Variants in ATP23 observed in about 807,000 individuals in gnomAD.
ATP23 encodes ATP23 metallopeptidase and ATP synthase assembly factor homolog, also known as mitochondrial inner membrane protease ATP23 homolog.
In ATP23, 24 loss-of-function variants were observed where a neutral mutation model predicts 28.5. That is an observed-to-expected ratio of 0.84 (90% CI 0.61 to 1.18). The LOEUF is 1.18. Ranked by LOEUF, ATP23 falls within the 50% of genes most tolerant of loss-of-function variation. The probability of loss-of-function intolerance (pLI) is 0.00; values close to 1 mark genes in which losing one functional copy is unlikely to be tolerated. For missense variants in ATP23, 274 were observed against 306.4 expected (o/e 0.89, Z 0.79); for synonymous variants, 99 against 108.6 (o/e 0.91, Z 0.55).
In ATP23 at chr12:57,958,929, T is replaced by G. The variant is rs1288582618; in HGVS notation, c.*2039T>G. Among the ~76,000 whole-genome samples, 2 of 152,138 alleles carry G rather than the reference T, an allele frequency of 1.3e-5. No homozygotes were observed. The highest frequency in any genetic ancestry group is 2.4e-5 in the African/African-American group (1 of 41,424). On this transcript the variant is annotated 3_prime_UTR_variant, in exon 6 of 6. Coordinates refer to ENST00000300145, the MANE Select transcript of ATP23 (RefSeq NM_033276.4). ...AAAAAGAATTCAGGAGGTTAGTTATTAAGCTAATCAGGGAGGCACCAGAGA... is the reference window on the plus strand; with the variant it reads ...AAAAAGAATTCAGGAGGTTAGTTATGAAGCTAATCAGGGAGGCACCAGAGA...
At chr12:57,954,998 T>C (rs1357514227) in intron 5 of ATP23, among the ~76,000 whole-genome samples, 2 of 152,148 alleles carry the variant, frequency 1.3e-5, no homozygotes, top group Non-Finnish European at 2.9e-5. Flanking sequence ...GCATGTTTTC[T>C]GTGCCCTTGA....
intron 3 of ATP23, among the ~76,000 whole-genome samples, chr12:57,951,451 C>T (rs752328441): frequency 2.6e-5 from 4 of 151,982 alleles, no homozygotes; most frequent in East Asian, 1.9e-4. Context: ...CTGTGGAGTC[C>T]GAGACAGACT....
Position 57,944,059 on chromosome 12 carries a change from G to GTTT in ATP23, c.188-1557_188-1555dup, listed in dbSNP as rs10672119. 9.7e-3 allele frequency among the ~76,000 whole-genome samples: 1,333 copies of GTTT among 137,394 alleles called. 19 individuals carry two copies. Among genetic ancestry groups the GTTT allele is most frequent in the African/African-American group, 0.034 (1,247 of 36,850 alleles). 90.1% of individuals were successfully genotyped at this position (137,394 alleles called of 152,430 possible). A position where few individuals can be genotyped will look rare whatever the true frequency, so the allele number is the denominator to read the frequency against. ...GTCCTTTTTGAAGTACTAAACCATG[G>GTTT]TTTTTTTTTTTTTTAAGTACAAGGA... On this transcript the variant is annotated intron_variant, in intron 1 of 5. Transcript: ENST00000300145.
chr12:57,950,979 A>G (rs991066572), intron 3 of ATP23, among the ~76,000 whole-genome samples: 4 of 152,374 alleles, frequency 2.6e-5, no homozygotes, highest in East Asian at 1.9e-4. Flanking sequence ...AGTTGAATCA[A>G]TGGATGTTGA....
chr12:57,943,863 C>A (rs1351281128), intron 1 of ATP23, among the ~76,000 whole-genome samples: 1 of 152,048 alleles, frequency 6.6e-6, no homozygotes, highest in Non-Finnish European at 1.5e-5. Context: ...GGACCTTGAT[C>A]TTCCAAGGGC....
At chr12:57,943,679 TA>T (rs34125659) in intron 1 of ATP23, among the ~76,000 whole-genome samples, 18,580 of 141,752 alleles carry the variant, frequency 0.13, 1,784 homozygotes, top group African/African-American at 0.29. Context: ...AGACCCTGTC[TA>T]AAAAAAAAAA....
chr12:57,957,375 G>A lies in ATP23; in HGVS notation c.*485G>A, dbSNP rs1473970178. The A allele has an allele frequency of 6.6e-6, 1 of 152,638 alleles. No homozygotes were observed. Among genetic ancestry groups the A allele is most frequent in the Non-Finnish European group, 1.5e-5 (1 of 68,412 alleles). The allele number at this position is 152,638 out of a possible 1,614,324, so 9.5% of individuals were successfully genotyped here. A position where few individuals can be genotyped will look rare whatever the true frequency, so the allele number is the denominator to read the frequency against. On this transcript the variant is annotated 3_prime_UTR_variant, in exon 6 of 6. Transcript: ENST00000300145. ...CCTATTCTTCTTTTATCATATATGT[G>A]GGACCCATATGGCCTAATTTTCTGG...
At chr12:57,946,048 T>G (rs1361699572) in intron 2 of ATP23, among the ~76,000 whole-genome samples, 1 of 151,996 alleles carries the variant, frequency 6.6e-6, no homozygotes, top group Admixed American at 6.6e-5. Context: ...GTATTTTTAG[T>G]AGAAATGGGG....
At chr12:57,945,865 T>C (rs941353368) in intron 2 of ATP23, among the ~76,000 whole-genome samples, 192 bp downstream of exon 2, 2 of 145,968 alleles carry the variant, frequency 1.4e-5, no homozygotes, top group African/African-American at 5.3e-5. Context: ...CCCTAACTCA[T>C]GTTTTTTTTT....
intron 4 of ATP23, 88 bp from the exon 5 acceptor site, chr12:57,953,518 C>T (rs1956834402): frequency 9.2e-7 from 1 of 1,084,026 alleles, no homozygotes; most frequent in Non-Finnish European, 1.3e-6. Context: ...ATTTTATATT[C>T]TTTTCTAATT....
At chr12:57,951,534 A>G (rs1956814270) in intron 3 of ATP23, among the ~76,000 whole-genome samples, 1 of 152,122 alleles carries the variant, frequency 6.6e-6, no homozygotes, top group Non-Finnish European at 1.5e-5. Flanking sequence ...GTCCAGAGAG[A>G]GGAGAAGGGA....
intron 5 of ATP23, among the ~76,000 whole-genome samples, chr12:57,955,280 G>GTTT (rs71087605): frequency 5.6e-5 from 8 of 142,150 alleles, no homozygotes; most frequent in African/African-American, 2.1e-4. Context: ...AATAGAGCAT[G>GTTT]TTTTTTTTTT....
chr12:57,950,531 T>TC (rs1267550644), intron 3 of ATP23, among the ~76,000 whole-genome samples: 1 of 149,566 alleles, frequency 6.7e-6, no homozygotes. Flanking sequence ...TCTTTTTCTT[T>TC]TTTTTTTTTT....
chr12:57,946,878 A>G, intron 2 of ATP23, 117 bp from the exon 3 acceptor site: 7 of 728,922 alleles, frequency 9.6e-6, no homozygotes, highest in Non-Finnish European at 1.6e-5. Flanking sequence ...AAGATTTCCT[A>G]TGTGTTAGTA....
At chr12:57,950,554 T>C (rs952069090) in intron 3 of ATP23, among the ~76,000 whole-genome samples, 2 of 151,478 alleles carry the variant, frequency 1.3e-5, no homozygotes, top group Non-Finnish European at 2.9e-5. Context: ...ACACAGGGTC[T>C]CCCTTTCTTG....
intron 4 of ATP23, 56 bp downstream of exon 4, chr12:57,951,951 G>A: frequency 6.3e-7 from 1 of 1,592,238 alleles, no homozygotes; most frequent in Non-Finnish European, 8.6e-7. Context: ...TTTTATTCAA[G>A]TGTAATTTAT....
intron 5 of ATP23, among the ~76,000 whole-genome samples, chr12:57,955,677 CCT>C (rs1288792454): frequency 2.0e-5 from 3 of 152,162 alleles, no homozygotes; most frequent in Non-Finnish European, 4.4e-5. Context: ...GGAGAAATTT[CCT>C]CTCTTTTTAG....
Position 57,958,108 on chromosome 12 carries a change from G to C in ATP23, c.*1218G>C, listed in dbSNP as rs571028545. Among the ~76,000 whole-genome samples, 19 of 152,096 alleles carry C rather than the reference G, an allele frequency of 1.2e-4. No individual in the cohort carries two copies. Among genetic ancestry groups the C allele is most frequent in the African/African-American group, 4.6e-4 (19 of 41,496 alleles). On this transcript the variant is annotated 3_prime_UTR_variant, in exon 6 of 6. Transcript: ENST00000300145. ...GAGCTGGGTGAGGCCTGTGACTGCC[G>C]GCTTTCCCCTACTTCCCTGACAACC...
chr12:57,941,815 G>T lies in ATP23; in HGVS notation c.114G>T (p.Gln38His), dbSNP rs371570920. The T allele has an allele frequency of 6.2e-7, 1 of 1,612,588 alleles. No homozygotes were observed. Among genetic ancestry groups the T allele is most frequent in the Non-Finnish European group, 8.5e-7 (1 of 1,179,466 alleles). ...FPERLAQGNP[Q>H]QGFFSSFFTS... is the part of the protein sequence containing the mutation. ...AGCGTCTGGCCCAGGGGAATCCCCA[G>T]CAAGGGTTCTTCTCCAGCTTCTTCA... is the stretch of plus-strand genomic sequence containing the variant. Residue 38 changes from glutamine to histidine, a missense_variant, in exon 1 of 6, where the codon CAG becomes CAT. Transcript: ENST00000300145.
Sources: allele counts gnomAD v4.1 joint callset (sites outside exome capture counted in the v4.1 genomes callset), GRCh38; gene constraint gnomAD v4.1.1; transcripts MANE v1.5; gene names NCBI Gene and HGNC (gene_info 2026-07-23, HGNC 2026-07-21).